The following GALNT13 variants were observed in gnomAD, a reference collection of about 807,000 sequenced individuals.
GALNT13 encodes the protein polypeptide N-acetylgalactosaminyltransferase 13.
In GALNT13, 28 loss-of-function variants were observed where a neutral mutation model predicts 64.2. The observed-to-expected ratio is 0.44, with a 90% confidence interval of 0.32 to 0.60. The LOEUF is 0.60. GALNT13 is among the 20% of genes least tolerant of loss of function. The probability of loss-of-function intolerance (pLI) is 0.05; values close to 1 mark genes in which losing one functional copy is unlikely to be tolerated. For synonymous variants in GALNT13, 214 were observed against 224.6 expected (o/e 0.95, Z 0.42); for missense variants, 577 against 669.8 (o/e 0.86, Z 1.53).
At chr2:154,089,098 C>CT (rs1327394089) in intron 3 of GALNT13, among the ~76,000 whole-genome samples, 1 of 152,064 alleles carries the variant, frequency 6.6e-6, no homozygotes, top group African/African-American at 2.4e-5. Flanking sequence ...TCCAAAATCT[C>CT]TATTATTATT....
At chr2:153,619,238 T>C in the GALNT13 span, among the ~76,000 whole-genome samples, 1 of 152,188 alleles carries the variant, frequency 6.6e-6, no homozygotes, top group Non-Finnish European at 1.5e-5. Flanking sequence ...TACTATTTTA[T>C]AACCCACTAT....
At chr2:154,253,522 C>A (rs1022133586) in intron 7 of GALNT13, among the ~76,000 whole-genome samples, 1 of 152,120 alleles carries the variant, frequency 6.6e-6, no homozygotes, top group African/African-American at 2.4e-5. Flanking sequence ...ACAAACTAGG[C>A]ACTGTAGCAT....
intron 4 of GALNT13, among the ~76,000 whole-genome samples, chr2:154,211,577 A>G (rs1045929710): frequency 1.4e-5 from 2 of 144,622 alleles, no homozygotes; most frequent in African/African-American, 5.2e-5. Context: ...GCAGTGAGCC[A>G]AGATTGCACC....
intron 11 of GALNT13, among the ~76,000 whole-genome samples, chr2:154,418,977 A>T (rs1404788475): frequency 6.6e-6 from 1 of 152,094 alleles, no homozygotes; most frequent in East Asian, 1.9e-4. Context: ...AAATTTTTGT[A>T]TTCTCTACCA....
intron 2 of GALNT13, among the ~76,000 whole-genome samples, chr2:153,927,566 T>G (rs935230970): frequency 6.6e-6 from 1 of 152,092 alleles, no homozygotes; most frequent in Admixed American, 6.6e-5. Flanking sequence ...TTAGCAATAT[T>G]ATATGACAAG....
chr2:153,737,804 C>T, the GALNT13 span, among the ~76,000 whole-genome samples: 2 of 151,934 alleles, frequency 1.3e-5, no homozygotes, highest in Non-Finnish European at 2.9e-5. Context: ...TTATAATTAC[C>T]TCATGGGTTT....
At chr2:153,117,127 C>T in the GALNT13 span, among the ~76,000 whole-genome samples, 1 of 151,946 alleles carries the variant, frequency 6.6e-6, no homozygotes, top group Non-Finnish European at 1.5e-5. Context: ...TTAAGAAAAA[C>T]CAGCCTCATT....
At chr2:153,300,785 G>A in the GALNT13 span, among the ~76,000 whole-genome samples, 3 of 152,150 alleles carry the variant, frequency 2.0e-5, no homozygotes, top group Non-Finnish European at 2.9e-5. Flanking sequence ...TGAATGACGT[G>A]TATTGGTAGA....
intron 4 of GALNT13, among the ~76,000 whole-genome samples, chr2:154,187,760 C>G (rs1686337693): frequency 1.3e-5 from 2 of 152,062 alleles, no homozygotes; most frequent in African/African-American, 2.4e-5. Context: ...AACTAATTTA[C>G]TGCATACATA....
chr2:153,451,321 T>C, the GALNT13 span, among the ~76,000 whole-genome samples: 206 of 152,310 alleles, frequency 1.4e-3, 1 homozygote, highest in African/African-American at 4.7e-3. Flanking sequence ...CCAACCCATA[T>C]GTAACATCAT....
the GALNT13 span, among the ~76,000 whole-genome samples, chr2:153,432,400 G>A: frequency 6.6e-6 from 1 of 152,188 alleles, no homozygotes; most frequent in Non-Finnish European, 1.5e-5. Context: ...GTTGGAAGAA[G>A]GGGTTTAATT....
At chr2:154,023,163 A>G (rs542435049) in intron 3 of GALNT13, among the ~76,000 whole-genome samples, 1 of 152,276 alleles carries the variant, frequency 6.6e-6, no homozygotes, top group East Asian at 1.9e-4. Context: ...AAGAATGTAT[A>G]TTCTGTTGAT....
chr2:154,378,363 C>T (rs562859588), intron 9 of GALNT13, among the ~76,000 whole-genome samples: 4 of 152,246 alleles, frequency 2.6e-5, no homozygotes, highest in African/African-American at 7.2e-5. Context: ...TAAGGAAATA[C>T]GTAACTAATA....
At chr2:153,262,007 C>G in the GALNT13 span, among the ~76,000 whole-genome samples, 2 of 152,164 alleles carry the variant, frequency 1.3e-5, no homozygotes, top group African/African-American at 4.8e-5. Context: ...ACCCAAGAGT[C>G]AAGGCCTAGA....
chr2:153,830,802 T>A, the GALNT13 span, among the ~76,000 whole-genome samples: 1 of 152,310 alleles, frequency 6.6e-6, no homozygotes, highest in East Asian at 1.9e-4. Context: ...GCTTTCAGAA[T>A]TATACATTAT....
chr2:154,108,944 G>A (rs1165487958), intron 3 of GALNT13, among the ~76,000 whole-genome samples: 1 of 151,858 alleles, frequency 6.6e-6, no homozygotes, highest in Non-Finnish European at 1.5e-5. Context: ...ATAGCTCTGT[G>A]GTATACAGAA....
At chr2:153,994,185 C>A (rs188427693) in intron 3 of GALNT13, among the ~76,000 whole-genome samples, 3 of 152,104 alleles carry the variant, frequency 2.0e-5, no homozygotes, top group South Asian at 2.1e-4. Flanking sequence ...TTTGTCCTTG[C>A]GATAGTTTGC....
At chr2:153,763,974 G>A in the GALNT13 span, among the ~76,000 whole-genome samples, 3 of 152,132 alleles carry the variant, frequency 2.0e-5, no homozygotes, top group African/African-American at 7.2e-5. Flanking sequence ...CAGAAGAACA[G>A]AGGAAGATGT....
At chr2:153,636,406 A>G in the GALNT13 span, among the ~76,000 whole-genome samples, 1 of 152,150 alleles carries the variant, frequency 6.6e-6, no homozygotes, top group Non-Finnish European at 1.5e-5. Flanking sequence ...GAAAGGTGGT[A>G]TCCTCAGTTG....
Sources: allele counts gnomAD v4.1 joint callset (sites outside exome capture counted in the v4.1 genomes callset), GRCh38; gene constraint gnomAD v4.1.1; transcripts MANE v1.5; gene names NCBI Gene and HGNC (gene_info 2026-07-23, HGNC 2026-07-21).